Variants in FAM20B observed in about 807,000 individuals in gnomAD.
FAM20B encodes FAM20B glycosaminoglycan xylosylkinase.
FAM20B carries 23 observed loss-of-function variants against 43.8 expected under a neutral mutation model. That is an observed-to-expected ratio of 0.53 (90% CI 0.38 to 0.74). The LOEUF is 0.74. Ranked by LOEUF, FAM20B falls within the 30% of genes least tolerant of loss-of-function variation. FAM20B has a pLI of 0.00. For missense variants in FAM20B, 440 were observed against 510.5 expected (o/e 0.86, Z 1.33); for synonymous variants, 178 against 192.4 (o/e 0.93, Z 0.62).
the FAM20B span, among the ~76,000 whole-genome samples, chr1:179,018,554 G>A: frequency 1.4e-4 from 21 of 152,212 alleles, no homozygotes; most frequent in Middle Eastern, 3.4e-3. Context: ...TGATCCTCCC[G>A]CCTCAGCCTC....
At chr1:179,024,810 A>G (rs1422137430), upstream of FAM20B, among the ~76,000 whole-genome samples, 1 of 152,180 alleles carries the variant, frequency 6.6e-6, no homozygotes. Context: ...TTCCCCATAC[A>G]TTTCCTAACT....
intron 2 of FAM20B, among the ~76,000 whole-genome samples, chr1:179,049,820 G>A (rs779450895): frequency 1.3e-5 from 2 of 152,222 alleles, no homozygotes; most frequent in Non-Finnish European, 2.9e-5. Flanking sequence ...GGGATTACAG[G>A]TGTGAGCCAC....
chr1:179,047,035 C>G (rs1650803467), intron 2 of FAM20B, among the ~76,000 whole-genome samples: 1 of 152,114 alleles, frequency 6.6e-6, no homozygotes, highest in African/African-American at 2.4e-5. Context: ...CACTTGTACA[C>G]TGGAGAATTG....
rs1557881578 is a variant in FAM20B at position 179,072,057 on chromosome 1, T to C, written c.1143T>C (p.Ser381=). 1 of 1,614,130 alleles carries C rather than the reference T, an allele frequency of 6.2e-7. No homozygotes were observed. Among genetic ancestry groups the C allele is most frequent in the Non-Finnish European group, 8.5e-7 (1 of 1,180,032 alleles). Residue 381 remains serine (S), a synonymous_variant, in exon 8 of 8, where the codon AGT becomes AGC. Transcript: ENST00000263733. ...HLDAVDQRLL[S]VLATVKQCTD... is the part of the protein sequence containing the mutation. ...ACGCCGTGGACCAGCGGCTCCTGAG[T>C]GTCCTGGCCACCGTGAAGCAGTGCA...
intron 5 of FAM20B, 72 bp downstream of exon 5, chr1:179,064,170 A>G: frequency 6.9e-7 from 1 of 1,452,000 alleles, no homozygotes; most frequent in Middle Eastern, 1.9e-4. Flanking sequence ...TAAAGGAGCC[A>G]GCAGTTCTGT....
At chr1:179,029,097 G>T (rs1649904744) in intron 1 of FAM20B, among the ~76,000 whole-genome samples, 2 of 152,240 alleles carry the variant, frequency 1.3e-5, no homozygotes, top group South Asian at 4.1e-4. Flanking sequence ...CAGTTGGATT[G>T]ATAGCCAGTG....
chr1:179,046,936 A>G (rs1372183602), intron 2 of FAM20B, among the ~76,000 whole-genome samples: 1 of 150,936 alleles, frequency 6.6e-6, no homozygotes, highest in Admixed American at 6.6e-5. Context: ...CGGAGGTTGT[A>G]GTGAGCCGAG....
intron 4 of FAM20B, among the ~76,000 whole-genome samples, chr1:179,061,259 G>A (rs925077620): frequency 3.3e-5 from 5 of 151,960 alleles, no homozygotes; most frequent in Non-Finnish European, 7.4e-5. Flanking sequence ...TGTATTTTTA[G>A]TAGAGACAGG....
At chr1:179,028,160 A>C (rs1041201046) in intron 1 of FAM20B, among the ~76,000 whole-genome samples, 1 of 152,238 alleles carries the variant, frequency 6.6e-6, no homozygotes, top group South Asian at 2.1e-4. Flanking sequence ...GTAAAACCCT[A>C]AAGCCAGATA....
At chr1:179,028,166 A>G (rs1335331746) in intron 1 of FAM20B, among the ~76,000 whole-genome samples, 4 of 152,260 alleles carry the variant, frequency 2.6e-5, no homozygotes, top group Non-Finnish European at 5.9e-5. Flanking sequence ...CCCTAAAGCC[A>G]GATACTTCAG....
At chr1:179,041,105 G>T (rs948079909) in intron 1 of FAM20B, among the ~76,000 whole-genome samples, 1 of 130,924 alleles carries the variant, frequency 7.6e-6, no homozygotes, top group Non-Finnish European at 1.6e-5. Flanking sequence ...GATGGCGGCC[G>T]GGAAGAGGCG....
intron 1 of FAM20B, among the ~76,000 whole-genome samples, chr1:179,031,305 A>T (rs537334191): frequency 5.9e-5 from 9 of 152,362 alleles, no homozygotes; most frequent in Admixed American, 3.3e-4. Context: ...GCTTATTTAA[A>T]GGAAAATGCA....
At chr1:179,032,072 C>T (rs1355631375) in intron 1 of FAM20B, among the ~76,000 whole-genome samples, 2 of 152,148 alleles carry the variant, frequency 1.3e-5, no homozygotes, top group African/African-American at 2.4e-5. Flanking sequence ...GAATTTGGCT[C>T]AGAAATACAA....
chr1:179,019,231 C>A, the FAM20B span, among the ~76,000 whole-genome samples: 1 of 152,126 alleles, frequency 6.6e-6, no homozygotes, highest in Non-Finnish European at 1.5e-5. Context: ...TTAACTGTTG[C>A]CATAATCCAG....
chr1:179,019,729 C>T, the FAM20B span, among the ~76,000 whole-genome samples: 18 of 152,034 alleles, frequency 1.2e-4, no homozygotes, highest in South Asian at 2.1e-4. Context: ...CCCAAAGTGC[C>T]GAGATTACAG....
chr1:179,030,230 T>G (rs1446213633), intron 1 of FAM20B, among the ~76,000 whole-genome samples: 2 of 152,234 alleles, frequency 1.3e-5, no homozygotes, highest in Non-Finnish European at 2.9e-5. Context: ...TTTGTTTGTT[T>G]GTTTCTTATC....
At chr1:179,031,327 A>G (rs1649998942) in intron 1 of FAM20B, among the ~76,000 whole-genome samples, 1 of 152,216 alleles carries the variant, frequency 6.6e-6, no homozygotes, top group Admixed American at 6.5e-5. Flanking sequence ...ATTGTTACTC[A>G]TTTCCACGTA....
At chr1:179,040,148 G>A (rs916397511) in intron 1 of FAM20B, among the ~76,000 whole-genome samples, 11 of 152,186 alleles carry the variant, frequency 7.2e-5, no homozygotes, top group South Asian at 2.1e-4. Context: ...ACACAGACAC[G>A]GCAACCATCC....
chr1:179,041,037 C>T (rs1178044530), intron 1 of FAM20B, among the ~76,000 whole-genome samples: 1 of 149,810 alleles, frequency 6.7e-6, no homozygotes, highest in African/African-American at 2.5e-5. Context: ...CAGAGACGCT[C>T]CTCACTTCCT....
Sources: allele counts gnomAD v4.1 joint callset (sites outside exome capture counted in the v4.1 genomes callset), GRCh38; gene constraint gnomAD v4.1.1; transcripts MANE v1.5; gene names NCBI Gene and HGNC (gene_info 2026-07-23, HGNC 2026-07-21).